The following MLLT1 variants were observed in gnomAD, a reference collection of about 807,000 sequenced individuals.
The protein encoded by MLLT1 is protein ENL.
In MLLT1, 11 loss-of-function variants were observed where a neutral mutation model predicts 55.1. The ratio of observed to expected loss-of-function variants is 0.20; its 90% confidence interval spans 0.13 to 0.33. MLLT1 has a LOEUF of 0.33. Among genes scored for constraint, MLLT1 ranks in the 10% least tolerant of loss-of-function variants. The probability of loss-of-function intolerance (pLI) is 1.00; values close to 1 mark genes in which losing one functional copy is unlikely to be tolerated. For synonymous variants in MLLT1, 323 were observed against 320.1 expected (o/e 1.01, Z -0.10); for missense variants, 536 against 760.6 (o/e 0.70, Z 3.47).
At chr19:6,234,316 C>A (rs534607662) in intron 3 of MLLT1, among the ~76,000 whole-genome samples, 1 of 152,180 alleles carries the variant, frequency 6.6e-6, no homozygotes, top group African/African-American at 2.4e-5. Context: ...GAGCCCTGTC[C>A]GGAGGTGGAG....
At chr19:6,223,384 T>C (rs1374576853) in intron 5 of MLLT1, among the ~76,000 whole-genome samples, 1 of 152,192 alleles carries the variant, frequency 6.6e-6, no homozygotes, top group African/African-American at 2.4e-5. Flanking sequence ...TTCCTAGGTC[T>C]CTGCCTCGGA....
chr19:6,246,418 G>A (rs899565630), intron 3 of MLLT1, among the ~76,000 whole-genome samples: 6 of 152,178 alleles, frequency 3.9e-5, no homozygotes, highest in Non-Finnish European at 5.9e-5. Flanking sequence ...TAAACAAACC[G>A]TAAGGCACCC....
At chr19:6,276,744 T>G (rs2091430056) in intron 1 of MLLT1, among the ~76,000 whole-genome samples, 1 of 151,874 alleles carries the variant, frequency 6.6e-6, no homozygotes. Flanking sequence ...CTCATCCCCC[T>G]GCCAAAAAAA....
At chr19:6,236,879 G>C (rs113527592) in intron 3 of MLLT1, among the ~76,000 whole-genome samples, 5 of 152,204 alleles carry the variant, frequency 3.3e-5, no homozygotes, top group African/African-American at 1.2e-4. Flanking sequence ...GACTCCAGCC[G>C]GACTGTGCTG....
chr19:6,230,964 G>C lies in MLLT1; in HGVS notation c.277-251C>G, dbSNP rs566553904. ...AAAGCTCATTCATAGCCATGCTCTC[G>C]GACTGTTATGGGAAACATGTACCCC... On this transcript the variant is annotated intron_variant, in intron 3 of 11. Coordinates refer to ENST00000252674, the MANE Select transcript of MLLT1 (RefSeq NM_005934.4). The surrounding 1 kb of genome is among the most constrained non-coding windows in gnomAD (Gnocchi z 9.0). Among the ~76,000 whole-genome samples the C allele has an allele frequency of 2.0e-5, 3 of 152,178 alleles. No individual in the cohort carries two copies. The highest frequency in any genetic ancestry group is 4.4e-5 in the Non-Finnish European group (3 of 68,034).
intron 1 of MLLT1, among the ~76,000 whole-genome samples, chr19:6,278,899 G>A (rs1322974019): frequency 6.6e-6 from 1 of 152,152 alleles, no homozygotes; most frequent in African/African-American, 2.4e-5. Context: ...GTGGGTCAAA[G>A]AAAGAAGTCT....
chr19:6,262,150 G>A lies in MLLT1; in HGVS notation c.276+78C>T, dbSNP rs1306049339. ...TGGGCAGCGGCCAGTTCTCTGGCCT[G>A]TTTTGTGAACTGCCGTGGCACCCGG... On this transcript the variant is annotated intron_variant, in intron 3 of 11. Transcript: ENST00000252674. This position sits in a 1 kb window ranked among gnomAD's most constrained non-coding sequence, Gnocchi z 4.4. 3.5e-6 allele frequency: 4 copies of A among 1,158,012 alleles called. No homozygotes were observed. Among genetic ancestry groups the A allele is most frequent in the African/African-American group, 1.5e-5 (1 of 66,068 alleles). 71.7% of individuals were successfully genotyped at this position (1,158,012 alleles called of 1,614,324 possible).
chr19:6,220,172 G>A (rs541373552), intron 6 of MLLT1, among the ~76,000 whole-genome samples: 73 of 152,358 alleles, frequency 4.8e-4, no homozygotes, highest in Admixed American at 1.1e-3. Flanking sequence ...TCCGATGGCC[G>A]GTTCTGGTAG....
Position 6,273,628 on chromosome 19 carries a change from G to A in MLLT1, c.13-2869C>T, listed in dbSNP as rs773111588. 3.9e-5 allele frequency among the ~76,000 whole-genome samples: 6 copies of A among 152,142 alleles called. No individual in the cohort carries two copies. Among genetic ancestry groups the A allele is most frequent in the South Asian group, 2.1e-4 (1 of 4,828 alleles). On this transcript the variant is annotated intron_variant, in intron 1 of 11. Transcript: ENST00000252674. This position sits in a 1 kb window ranked among gnomAD's most constrained non-coding sequence, Gnocchi z 4.3. ...CCACCCTCTATGCTTACACGCCTGCGCCTCTGCCTTTTTCGCTAGAAAACA... is the reference window on the plus strand; with the variant it reads ...CCACCCTCTATGCTTACACGCCTGCACCTCTGCCTTTTTCGCTAGAAAACA...
At chr19:6,271,353 T>C (rs911196977) in intron 1 of MLLT1, among the ~76,000 whole-genome samples, 1 of 152,168 alleles carries the variant, frequency 6.6e-6, no homozygotes, top group Non-Finnish European at 1.5e-5. Context: ...CCCCTCTCCT[T>C]TCCCTAAGTC....
At position 6,238,650 on chromosome 19, in the gene MLLT1, C is replaced by T. The variant is rs970983177; in HGVS notation, c.277-7937G>A. Among the ~76,000 whole-genome samples, 18 of 152,380 alleles carry T rather than the reference C, an allele frequency of 1.2e-4. No homozygotes were observed. In the South Asian group the frequency reaches 1.7e-3, roughly 14 times the overall value. On this transcript the variant is annotated intron_variant, in intron 3 of 11. Transcript: ENST00000252674. Reference sequence around the variant, plus strand: ...TCAACACCACCTGTGTCCCTTCCACCCTGCCCCTGTCCTGGAGCTGGGAAG... The same window carrying T: ...TCAACACCACCTGTGTCCCTTCCACTCTGCCCCTGTCCTGGAGCTGGGAAG...
chr19:6,276,106 G>A (rs1434758035), intron 1 of MLLT1, among the ~76,000 whole-genome samples: 4 of 152,292 alleles, frequency 2.6e-5, no homozygotes, highest in East Asian at 1.9e-4. Flanking sequence ...CTCCCATTAC[G>A]AACCACAACG....
rs1005558939 is a variant in MLLT1, at chr19:6,226,540, C to T, written c.546+437G>A. Reference sequence around the variant, plus strand: ...CGAAACTCTGCAGTGAGCCATAGCCCGAGATGCAAAGCCTGGCATAGCCAA... The same window carrying T: ...CGAAACTCTGCAGTGAGCCATAGCCTGAGATGCAAAGCCTGGCATAGCCAA... On this transcript the variant is annotated intron_variant, in intron 5 of 11. Transcript: ENST00000252674. This position sits in a 1 kb window ranked among gnomAD's most constrained non-coding sequence, Gnocchi z 6.3. Among the ~76,000 whole-genome samples the T allele has an allele frequency of 1.3e-5, 2 of 152,170 alleles. No individual in the cohort carries two copies. The highest frequency in any genetic ancestry group is 4.1e-4 in the South Asian group (2 of 4,834).
intron 6 of MLLT1, 152 bp from the exon 7 acceptor site, chr19:6,218,193 G>A: frequency 8.0e-7 from 1 of 1,244,438 alleles, no homozygotes; most frequent in Non-Finnish European, 1.1e-6. Context: ...GTGCCGCTGA[G>A]AACCCACTAA....
intron 3 of MLLT1, among the ~76,000 whole-genome samples, chr19:6,243,324 C>T (rs892446250): frequency 9.2e-5 from 14 of 152,180 alleles, no homozygotes; most frequent in Non-Finnish European, 1.6e-4. Flanking sequence ...CCCAGGTCAG[C>T]TCTGCAGCCC....
At chr19:6,225,256 G>A (rs976611616) in intron 5 of MLLT1, among the ~76,000 whole-genome samples, 1 of 152,206 alleles carries the variant, frequency 6.6e-6, no homozygotes, top group African/African-American at 2.4e-5. Flanking sequence ...TAAAGCTGCC[G>A]CAGCTGCACT....
rs893477515 is a variant in MLLT1 at position 6,229,089 on chromosome 19, G to A, written c.420+1481C>T. 6.6e-6 allele frequency among the ~76,000 whole-genome samples: 1 copy of A among 152,194 alleles called. No individual in the cohort carries two copies. Among genetic ancestry groups the A allele is most frequent in the Non-Finnish European group, 1.5e-5 (1 of 68,020 alleles). On this transcript the variant is annotated intron_variant, in intron 4 of 11. Transcript: ENST00000252674. This position sits in a 1 kb window ranked among gnomAD's most constrained non-coding sequence, Gnocchi z 5.2. ...CTGGCTGCAGCCCAGAGCGGCCCAG[G>A]GAACGCCACTTCCCACAGCCACGCC...
intron 3 of MLLT1, among the ~76,000 whole-genome samples, chr19:6,241,380 C>G (rs1446223093): frequency 6.6e-6 from 1 of 150,848 alleles, no homozygotes; most frequent in Non-Finnish European, 1.5e-5. Flanking sequence ...CTGGGAGCCA[C>G]AGGGCAGATG....
chr19:6,278,601 G>A (rs1472273969), intron 1 of MLLT1, among the ~76,000 whole-genome samples: 1 of 152,188 alleles, frequency 6.6e-6, no homozygotes, highest in Non-Finnish European at 1.5e-5. Flanking sequence ...GGCAAAGGTT[G>A]TACAGGAGAC....
Sources: allele counts gnomAD v4.1 joint callset (sites outside exome capture counted in the v4.1 genomes callset), GRCh38; gene constraint gnomAD v4.1.1; non-coding constraint Gnocchi (gnomAD v3.1); transcripts MANE v1.5; gene names NCBI Gene and HGNC (gene_info 2026-07-23, HGNC 2026-07-21).